The following REV3L variants were observed in gnomAD, a reference collection of about 807,000 sequenced individuals.
REV3L encodes REV3 like, DNA directed polymerase zeta catalytic subunit.
Under a neutral mutation model 299.4 loss-of-function variants are expected in REV3L, and 69 were observed. That is an observed-to-expected ratio of 0.23 (90% CI 0.19 to 0.28). The LOEUF (loss-of-function observed/expected upper bound fraction) is 0.28. Among genes scored for constraint, REV3L ranks in the 10% least tolerant of loss-of-function variants. The pLI is 1.00. For synonymous variants in REV3L, 1,238 were observed against 1,271.4 expected (o/e 0.97, Z 0.56); for missense variants, 3,128 against 3,693.8 (o/e 0.85, Z 3.97).
intron 1 of REV3L, among the ~76,000 whole-genome samples, chr6:111,452,454 T>G (rs2128317814): frequency 6.6e-6 from 1 of 152,234 alleles, no homozygotes. Context: ...CAGCACCTAG[T>G]GAATGGTATA....
chr6:111,452,149 CAAT>C (rs774215087), intron 1 of REV3L, among the ~76,000 whole-genome samples: 1 of 151,246 alleles, frequency 6.6e-6, no homozygotes, highest in Non-Finnish European at 1.5e-5. Context: ...ATTAAAACCA[CAAT>C]GAGATATCAT....
At chr6:111,365,156 TTAAG>T (rs1158357372) in intron 15 of REV3L, 105 bp downstream of exon 15, 1 of 708,338 alleles carries the variant, frequency 1.4e-6, no homozygotes, top group African/African-American at 1.9e-5. Flanking sequence ...ATGCAAAAAT[TTAAG>T]TAACCAAAAT....
chr6:111,467,854 C>T (rs1013543340), intron 1 of REV3L, among the ~76,000 whole-genome samples: 6 of 152,074 alleles, frequency 3.9e-5, no homozygotes, highest in Non-Finnish European at 7.4e-5. Context: ...GAAGACTGTA[C>T]GTAAGAGTAG....
At chr6:111,389,683 G>A (rs896238214) in intron 6 of REV3L, among the ~76,000 whole-genome samples, 3 of 143,174 alleles carry the variant, frequency 2.1e-5, no homozygotes, top group South Asian at 4.5e-4. Flanking sequence ...TAGTTTCCTC[G>A]TAAAGTTTTC....
intron 1 of REV3L, among the ~76,000 whole-genome samples, chr6:111,477,863 T>G (rs1157785214): frequency 6.6e-6 from 1 of 152,184 alleles, no homozygotes; most frequent in African/African-American, 2.4e-5. Flanking sequence ...AAACCAAGAT[T>G]AGGAGGCTAC....
intron 4 of REV3L, among the ~76,000 whole-genome samples, chr6:111,402,285 G>A (rs771267395): frequency 6.6e-6 from 1 of 152,008 alleles, no homozygotes; most frequent in Non-Finnish European, 1.5e-5. Context: ...AAAAATGTCT[G>A]AAGTATGTTC....
In REV3L at chr6:111,391,023, T is replaced by C. The variant is rs111504047; in HGVS notation, c.663-843A>G. 3.9e-3 allele frequency among the ~76,000 whole-genome samples: 588 copies of C among 152,112 alleles called. 5 individuals carry two copies. The highest frequency in any genetic ancestry group is 0.013 in the African/African-American group (552 of 41,506). On this transcript the variant is annotated intron_variant, in intron 5 of 31. Coordinates refer to ENST00000368802, the MANE Select transcript of REV3L (RefSeq NM_001372078.1). ...GATCCTTAATTTTACTACAAAGTGG[T>C]TGATGACATATTTCATTAACTTTTG...
rs1582969629 is a variant in REV3L, at chr6:111,431,874, T to G, written c.140-15402A>C. 3.0e-5 allele frequency: 13 copies of G among 435,686 alleles called. 1 individual carries two copies. In the East Asian group the frequency reaches 5.1e-4, roughly 17 times the overall value. 27.0% of individuals were successfully genotyped at this position (435,686 alleles called of 1,614,324 possible). On this transcript the variant is annotated intron_variant, in intron 1 of 31. Coordinates refer to ENST00000368802, the MANE Select transcript of REV3L (RefSeq NM_001372078.1). ...TAGAATATGTTAAATATTTGTAAAT[T>G]GTGTTTTTAATTAAACTTTGCAACA...
chr6:111,363,828 T>C, intron 16 of REV3L, 25 bp downstream of exon 16: 17 of 1,609,260 alleles, frequency 1.1e-5, no homozygotes, highest in Non-Finnish European at 1.4e-5. Context: ...ACACAATGTA[T>C]GTGTCCTTAC....
chr6:111,304,377 A>G (rs539631656), intron 31 of REV3L, among the ~76,000 whole-genome samples: 1 of 147,760 alleles, frequency 6.8e-6, no homozygotes, highest in Non-Finnish European at 1.5e-5. Flanking sequence ...TACAATTTCC[A>G]TAATTTCACT....
intron 1 of REV3L, chr6:111,430,642 C>A (rs1786789177): frequency 1.3e-6 from 2 of 1,523,328 alleles, no homozygotes; most frequent in Non-Finnish European, 1.8e-6. Context: ...GGCTGCTGGC[C>A]GAGAAGAGAG....
At chr6:111,429,731 C>T (rs575016395) in intron 1 of REV3L, among the ~76,000 whole-genome samples, 3 of 152,166 alleles carry the variant, frequency 2.0e-5, no homozygotes, top group Non-Finnish European at 4.4e-5. Flanking sequence ...GCCCCGCTCC[C>T]GCCCTCGGCT....
rs1771192853 is a variant in REV3L at position 111,299,158 on chromosome 6, A to AAAT, written c.*855_*857dup. On this transcript the variant is annotated 3_prime_UTR_variant, in exon 32 of 32. Transcript: ENST00000368802. ...CCTTTTTTATTTTACACAGTTATAC[A>AAAT]AATATTCTAAATACACATTTTGTGT... 1 of 152,600 alleles carries AAAT rather than the reference A, an allele frequency of 6.6e-6. No homozygotes were observed. Among genetic ancestry groups the AAAT allele is most frequent in the South Asian group, 2.1e-4 (1 of 4,826 alleles). The allele number at this position is 152,600 out of a possible 1,614,324, so 9.5% of individuals were successfully genotyped here.
chr6:111,322,527 A>G (rs753960473), intron 26 of REV3L, 42 bp downstream of exon 26: 3 of 1,397,448 alleles, frequency 2.1e-6, no homozygotes, highest in African/African-American at 1.4e-5. Context: ...ATGAAGATCT[A>G]GAGAGATGCA....
intron 19 of REV3L, among the ~76,000 whole-genome samples, chr6:111,350,752 C>CTT (rs35185792): frequency 5.8e-5 from 8 of 138,622 alleles, no homozygotes; most frequent in African/African-American, 1.3e-4. Flanking sequence ...AATTTTCTTT[C>CTT]TTTTTTTTTT....
intron 1 of REV3L, among the ~76,000 whole-genome samples, chr6:111,481,584 T>A (rs148789192): frequency 2.6e-5 from 4 of 152,286 alleles, no homozygotes; most frequent in African/African-American, 4.8e-5. Flanking sequence ...ATCTTGGTAG[T>A]CCACAGAAAC....
Position 111,335,604 on chromosome 6 carries a change from T to C in REV3L, c.7545A>G (p.Lys2515=). The stretch of plus-strand genomic sequence containing the variant: ...CACGGCTAACATAATGATCAACCAT[T>C]TTCCATCTGTTAAAAAAGAATCCAC... ...FDNKTDLYRW[K]MVDHYVSRVR... The change falls in exon 22 of 32, where the codon AAA becomes AAG. Residue 2515 remains lysine, a synonymous_variant. Transcript: ENST00000368802. The C allele has an allele frequency of 1.2e-6, 2 of 1,607,682 alleles. No individual in the cohort carries two copies. The highest frequency in any genetic ancestry group is 1.7e-6 in the Non-Finnish European group (2 of 1,177,496).
At chr6:111,360,246 A>T (rs991289535) in intron 16 of REV3L, among the ~76,000 whole-genome samples, 2 of 152,200 alleles carry the variant, frequency 1.3e-5, no homozygotes, top group African/African-American at 2.4e-5. Context: ...ACATGGAACC[A>T]GTAAACACAG....
chr6:111,304,534 G>A (rs1772046893), intron 31 of REV3L, among the ~76,000 whole-genome samples: 1 of 151,438 alleles, frequency 6.6e-6, no homozygotes, highest in Non-Finnish European at 1.5e-5. Flanking sequence ...TCATTTGAAC[G>A]TTCTTGAAAA....
Sources: allele counts gnomAD v4.1 joint callset (sites outside exome capture counted in the v4.1 genomes callset), GRCh38; gene constraint gnomAD v4.1.1; transcripts MANE v1.5; gene names NCBI Gene and HGNC (gene_info 2026-07-23, HGNC 2026-07-21).